The following CCND3 variants were observed in gnomAD, a reference collection of about 807,000 sequenced individuals.
CCND3 encodes the protein G1/S-specific cyclin-D3.
A neutral mutation model predicts 28.7 loss-of-function variants in CCND3; 9 were observed. The observed-to-expected ratio is 0.31, with a 90% CI of 0.19 to 0.55. The LOEUF (loss-of-function observed/expected upper bound fraction) is 0.55. CCND3 is among the 20% of genes least tolerant of loss of function. The pLI is 0.93. For missense variants in CCND3, 315 were observed against 385.8 expected (o/e 0.82, Z 1.54); for synonymous variants, 164 against 163.9 (o/e 1.00, Z 0.00).
At chr6:42,013,440 G>A (rs745396770) in intron 1 of CCND3, among the ~76,000 whole-genome samples, 17 of 152,196 alleles carry the variant, frequency 1.1e-4, no homozygotes, top group Non-Finnish European at 2.2e-4. Flanking sequence ...GGAGGGCAGG[G>A]TTGTTGGCTT....
rs180673743 is a variant in CCND3, at chr6:41,957,981, T to C, written c.-45-17396A>G. 2.0e-3 allele frequency among the ~76,000 whole-genome samples: 302 copies of C among 147,592 alleles called. 2 individuals carry two copies. The highest frequency in any genetic ancestry group is 0.02 in the South Asian group (92 of 4,594). ...ATTACAGGTATGAGCCACCAAACTT[T>C]ACCTTACTTTATCTTTATCTTTTTT... On this transcript the variant is annotated intron_variant, in intron 1 of 4. Transcript: ENST00000372988.
At chr6:41,950,810 G>A (rs982378419) in intron 1 of CCND3, among the ~76,000 whole-genome samples, 28 of 150,498 alleles carry the variant, frequency 1.9e-4, no homozygotes, top group Non-Finnish European at 3.1e-4. Flanking sequence ...CCAGGTTCAC[G>A]CCATTCTCCT....
chr6:42,037,245 GTTTTTT>G (rs112110003), intron 1 of CCND3, among the ~76,000 whole-genome samples: 129 of 126,626 alleles, frequency 1.0e-3, no homozygotes, highest in African/African-American at 3.2e-3. Flanking sequence ...CGGCCGTTTT[GTTTTTT>G]TTTTTAAGAC....
At chr6:41,947,083 T>C (rs1194710177) in intron 1 of CCND3, among the ~76,000 whole-genome samples, 2 of 151,250 alleles carry the variant, frequency 1.3e-5, no homozygotes, top group Non-Finnish European at 2.9e-5. Flanking sequence ...TAGCTGGGCA[T>C]GGTGGCGCAT....
intron 1 of CCND3, among the ~76,000 whole-genome samples, chr6:41,967,189 GGC>G (rs1472494307): frequency 6.6e-6 from 1 of 152,140 alleles, no homozygotes; most frequent in Non-Finnish European, 1.5e-5. Flanking sequence ...CATGGAGAAC[GGC>G]ATTTTGAAAG....
At chr6:41,951,575 CAAAA>C (rs58855970) in intron 1 of CCND3, among the ~76,000 whole-genome samples, 11 of 70,148 alleles carry the variant, frequency 1.6e-4, no homozygotes, top group South Asian at 1.3e-3. Context: ...CACACACACA[CAAAA>C]AAAAAGATTA....
intron 1 of CCND3, among the ~76,000 whole-genome samples, chr6:42,037,419 G>C (rs1011335836): frequency 1.3e-5 from 2 of 149,014 alleles, no homozygotes. Flanking sequence ...TGTATTTTTA[G>C]TAGAGACGGT....
intron 1 of CCND3, among the ~76,000 whole-genome samples, chr6:41,974,102 G>C (rs980850933): frequency 6.6e-6 from 1 of 152,214 alleles, no homozygotes; most frequent in African/African-American, 2.4e-5. Flanking sequence ...GGAATCGCTT[G>C]AACCCGGGAG....
chr6:42,036,542 T>G (rs1212660381), intron 1 of CCND3, among the ~76,000 whole-genome samples: 1 of 149,824 alleles, frequency 6.7e-6, no homozygotes, highest in Non-Finnish European at 1.5e-5. Context: ...CCTCCTGGTC[T>G]ACAGGCGCAC....
At chr6:41,981,854 A>G (rs1217112064) in intron 1 of CCND3, among the ~76,000 whole-genome samples, 1 of 152,138 alleles carries the variant, frequency 6.6e-6, no homozygotes, top group African/African-American at 2.4e-5. Flanking sequence ...CAAAAGTCAA[A>G]GCCAGGCACA....
intron 1 of CCND3, among the ~76,000 whole-genome samples, chr6:42,000,945 G>A (rs1762990276): frequency 6.6e-6 from 1 of 151,416 alleles, no homozygotes; most frequent in Non-Finnish European, 1.5e-5. Flanking sequence ...AAACTTATAG[G>A]ACATCTATAG....
At chr6:41,969,360 A>G (rs998030347) in intron 1 of CCND3, among the ~76,000 whole-genome samples, 1 of 151,728 alleles carries the variant, frequency 6.6e-6, no homozygotes, top group Non-Finnish European at 1.5e-5. Context: ...TACTAAAAAT[A>G]CAAAAATTAG....
In CCND3 at chr6:42,032,943, T is replaced by C. The variant is rs142081938; in HGVS notation, c.-46+15558A>G. 6.6e-5 allele frequency among the ~76,000 whole-genome samples: 10 copies of C among 152,344 alleles called. No individual in the cohort carries two copies. In the South Asian group the frequency reaches 1.0e-3, roughly 16 times the overall value. ...TTCTTCTAATACATTCCCTTTGCCTTATATTAGTCAGTCCACTTCTGCTGA... is the reference window on the plus strand; with the variant it reads ...TTCTTCTAATACATTCCCTTTGCCTCATATTAGTCAGTCCACTTCTGCTGA... On this transcript the variant is annotated intron_variant, in intron 1 of 4. Coordinates refer to the CCND3 transcript ENST00000372988.
chr6:42,004,078 G>GTA lies in CCND3; in HGVS notation c.-46+44422_-46+44423insTA, dbSNP rs71805635. 1.8e-3 allele frequency among the ~76,000 whole-genome samples: 272 copies of GTA among 150,222 alleles called. 1 individual carries two copies. Among genetic ancestry groups the GTA allele is most frequent in the African/African-American group, 6.3e-3 (257 of 41,028 alleles). ...GTTATATATATATGTATGTGTGTGTGTGTGTGTGTGTATGTATTTTTTTTT... is the reference window on the plus strand; with the variant it reads ...GTTATATATATATGTATGTGTGTGTGTATGTGTGTGTGTATGTATTTTTTTTT... On this transcript the variant is annotated intron_variant, in intron 1 of 4. Transcript: ENST00000372988.
upstream of CCND3, chr6:42,049,039 C>CTT (rs1490415385): frequency 1.2e-5 from 2 of 167,790 alleles, no homozygotes; most frequent in Non-Finnish European, 2.5e-5. Flanking sequence ...ACTTCTTTTT[C>CTT]TTTTTCTTTT....
At chr6:41,954,029 T>C (rs978617350) in intron 1 of CCND3, among the ~76,000 whole-genome samples, 9 of 151,602 alleles carry the variant, frequency 5.9e-5, no homozygotes, top group African/African-American at 2.2e-4. Context: ...GGCTGGTGGA[T>C]CACTTGAGGC....
chr6:41,975,873 G>A (rs756901305), intron 1 of CCND3, among the ~76,000 whole-genome samples: 8 of 151,190 alleles, frequency 5.3e-5, no homozygotes, highest in Non-Finnish European at 7.4e-5. Context: ...ACAGGGTTTT[G>A]CTTTATCACT....
chr6:42,020,357 C>T (rs1371994187), intron 1 of CCND3, among the ~76,000 whole-genome samples: 4 of 152,246 alleles, frequency 2.6e-5, no homozygotes, highest in Non-Finnish European at 4.4e-5. Flanking sequence ...CCTAGCCCTT[C>T]TTGGCGCCTG....
At chr6:42,032,411 A>G (rs1036167042) in intron 1 of CCND3, among the ~76,000 whole-genome samples, 1 of 152,150 alleles carries the variant, frequency 6.6e-6, no homozygotes, top group African/African-American at 2.4e-5. Flanking sequence ...CTGCACTTAG[A>G]ATTATTTAAT....
Sources: gnomAD v4.1 joint callset for allele counts (sites outside exome capture counted in the v4.1 genomes callset) on GRCh38, gnomAD v4.1.1 for gene constraint, MANE v1.5 for transcripts, NCBI Gene and HGNC (gene_info 2026-07-23, HGNC 2026-07-21) for gene names.